RAB29: variants seen among roughly 807,000 people sequenced by gnomAD.
RAB29 encodes ras-related protein Rab-29.
Under a neutral mutation model 25.5 loss-of-function variants are expected in RAB29, and 13 were observed. The ratio of observed to expected loss-of-function variants is 0.51; its 90% confidence interval spans 0.33 to 0.81. The LOEUF (loss-of-function observed/expected upper bound fraction) is 0.81, where lower values mean the gene tolerates loss of function less well. RAB29 is among the 30% of genes least tolerant of loss of function. RAB29 has a pLI of 0.02. For synonymous variants in RAB29, 88 were observed against 95.0 expected (o/e 0.93, Z 0.43); for missense variants, 201 against 254.9 (o/e 0.79, Z 1.44).
In RAB29 at chr1:205,770,849, A is replaced by G. The variant is rs760986031; in HGVS notation, c.384T>C (p.Asp128=). The G allele has an allele frequency of 6.2e-7, 1 of 1,614,126 alleles. No homozygotes were observed. The highest frequency in any genetic ancestry group is 2.2e-5 in the East Asian group (1 of 44,882). The part of the protein sequence containing the change: ...VPCLLLANKC[D]LSPWAVSRDQ... ...CCCGGCTCACTGCCCAAGGGGACAG[A>G]TCACACTAGCAAAGAGAAAAAATAA... Residue 128 remains aspartate (D), a synonymous_variant, in exon 5 of 6, where the codon GAT becomes GAC. Transcript: ENST00000367139.
At position 205,775,388 on chromosome 1, in the gene RAB29, G is replaced by A. The variant is rs77138887; in HGVS notation, c.-246C>T. The A allele has an allele frequency of 2.1e-3, 326 of 155,906 alleles. 1 individual carries two copies. The highest frequency in any genetic ancestry group is 7.3e-3 in the African/African-American group (304 of 41,616). 9.7% of individuals were successfully genotyped at this position (155,906 alleles called of 1,614,324 possible). On this transcript the variant is annotated 5_prime_UTR_variant, in exon 1 of 6. Transcript: ENST00000367139. ...GCAGCACAAACCAAATTGTGAGGAA[G>A]GAGCAGCCGGCACCTCGATTCCCTA... is the stretch of plus-strand genomic sequence containing the variant.
At chr1:205,772,695 G>T in intron 2 of RAB29, 128 bp from the exon 3 acceptor site, 1 of 840,126 alleles carries the variant, frequency 1.2e-6, no homozygotes, top group Non-Finnish European at 2.0e-6. Context: ...TTAACTTTAA[G>T]CCCTCAATTC....
chr1:205,774,089 A>T (rs948705408), intron 2 of RAB29, among the ~76,000 whole-genome samples: 1 of 152,074 alleles, frequency 6.6e-6, no homozygotes, highest in African/African-American at 2.4e-5. Flanking sequence ...AAATGAATGA[A>T]CTCGGTGTCC....
chr1:205,770,660 TAAGAA>T (rs1241751949), intron 5 of RAB29, 68 bp downstream of exon 5: 1 of 1,602,104 alleles, frequency 6.2e-7, no homozygotes, highest in African/African-American at 1.3e-5. Flanking sequence ...GGCTCAGAAA[TAAGAA>T]AAGAGGGTCC....
At position 205,770,094 on chromosome 1, in the gene RAB29, T is replaced by C. The variant is rs2102469113; in HGVS notation, c.*248A>G. The C allele has an allele frequency of 1.9e-6, 1 of 533,428 alleles. No homozygotes were observed. The highest frequency in any genetic ancestry group is 3.4e-6 in the Non-Finnish European group (1 of 297,284). The allele number at this position is 533,428 out of a possible 1,614,324, so 33.0% of individuals were successfully genotyped here. A position where few individuals can be genotyped will look rare whatever the true frequency, so the allele number is the denominator to read the frequency against. On this transcript the variant is annotated 3_prime_UTR_variant, in exon 6 of 6. Coordinates refer to ENST00000367139, the MANE Select transcript of RAB29 (RefSeq NM_003929.3). ...TTCCGGATCACAAATTGAGGGCTGA[T>C]GAGAAGATCTTACACCGAAGGCACT...
At position 205,774,785 on chromosome 1, in the gene RAB29, C is replaced by G. The variant is rs1307059047; in HGVS notation, c.124+48G>C. ...TGGGTCCCCAGCTCGAGTCCGCGGTCGGGGCCTCCTCCTCCCCCTCCCCCT... is the reference window on the plus strand; with the variant it reads ...TGGGTCCCCAGCTCGAGTCCGCGGTGGGGGCCTCCTCCTCCCCCTCCCCCT... On this transcript the variant is annotated intron_variant, in intron 2 of 5. Coordinates refer to ENST00000367139, the MANE Select transcript of RAB29 (RefSeq NM_003929.3). The G allele has an allele frequency of 3.3e-6, 5 of 1,532,096 alleles. No individual in the cohort carries two copies. The South Asian group carries it at 6.0e-5, about 18-fold the overall frequency. 94.9% of individuals were successfully genotyped at this position (1,532,096 alleles called of 1,614,324 possible). A position where few individuals can be genotyped will look rare whatever the true frequency, so the allele number is the denominator to read the frequency against.
In RAB29 at chr1:205,775,086, G is replaced by C. The variant is rs1222440020; in HGVS notation, c.-130C>G. 8 of 1,272,532 alleles carry C rather than the reference G, an allele frequency of 6.3e-6. No individual in the cohort carries two copies. The highest frequency in any genetic ancestry group is 2.2e-5 in the Admixed American group (1 of 46,210). 78.8% of individuals were successfully genotyped at this position (1,272,532 alleles called of 1,614,324 possible). On this transcript the variant is annotated splice_region_variant and 5_prime_UTR_variant, in exon 2 of 6. Coordinates refer to ENST00000367139, the MANE Select transcript of RAB29 (RefSeq NM_003929.3). ...GCATTCCCACCCACCGCCTGTCTGG[G>C]CTGCTCTGACGAGAAAGCAAAAAAG...
intron 3 of RAB29, 30 bp from the exon 4 acceptor site, chr1:205,771,683 G>A (rs760595644): frequency 6.2e-7 from 1 of 1,600,610 alleles, no homozygotes; most frequent in Admixed American, 1.7e-5. Context: ...TTCTCAAGGT[G>A]ACCCAAGAGC....
Position 205,774,813 on chromosome 1 carries a change from C to T in RAB29, c.124+20G>A. The T allele has an allele frequency of 1.3e-6, 2 of 1,560,366 alleles. No individual in the cohort carries two copies. The highest frequency in any genetic ancestry group is 1.7e-6 in the Non-Finnish European group (2 of 1,148,176). ...GGCCTCCTCCTCCCCCTCCCCCTCC[C>T]CACCCCCGAGACGTCTCACCTCCCA... is the stretch of plus-strand genomic sequence containing the variant. On this transcript the variant is annotated intron_variant, in intron 2 of 5. Transcript: ENST00000367139.
At chr1:205,775,236 C>A (rs1017578852) in intron 1 of RAB29, 37 bp downstream of exon 1, 9 of 378,226 alleles carry the variant, frequency 2.4e-5, no homozygotes, top group African/African-American at 1.7e-4. Context: ...GCCTGACTGC[C>A]GAGAAACTGG....
intron 2 of RAB29, 35 bp downstream of exon 2, chr1:205,774,798 T>TACCCCC: frequency 3.2e-5 from 21 of 658,504 alleles, no homozygotes; most frequent in Non-Finnish European, 4.2e-5. Context: ...GGCCTCCTCC[T>TACCCCC]CCCCCTCCCC....
chr1:205,772,304 C>A (rs992597436), intron 3 of RAB29, among the ~76,000 whole-genome samples, 192 bp downstream of exon 3: 23 of 152,188 alleles, frequency 1.5e-4, no homozygotes, highest in African/African-American at 5.5e-4. Flanking sequence ...CACATAGAGA[C>A]TGCTCCAGAT....
In RAB29 at chr1:205,771,466, A is replaced by C. The variant is rs1419485755; in HGVS notation, c.378+6T>G. On this transcript the variant is annotated splice_donor_region_variant and intron_variant, in intron 4 of 5. Coordinates refer to ENST00000367139, the MANE Select transcript of RAB29 (RefSeq NM_003929.3). ...TAGGGACCATTTTCTGAGATTGGCCACATACCTTGTTGGCCAAGAGCAGGC... is the reference window on the plus strand; with the variant it reads ...TAGGGACCATTTTCTGAGATTGGCCCCATACCTTGTTGGCCAAGAGCAGGC... The C allele has an allele frequency of 1.9e-6, 3 of 1,613,698 alleles. No individual in the cohort carries two copies. The highest frequency in any genetic ancestry group is 1.7e-6 in the Non-Finnish European group (2 of 1,179,888).
intron 2 of RAB29, among the ~76,000 whole-genome samples, chr1:205,773,549 C>T (rs1655133381): frequency 6.6e-6 from 1 of 152,216 alleles, no homozygotes; most frequent in African/African-American, 2.4e-5. Flanking sequence ...CAGGGTCTCA[C>T]TCTGTTGCCC....
At chr1:205,770,916 G>C (rs2102471833) in intron 4 of RAB29, 62 bp from the exon 5 acceptor site, 1 of 1,578,270 alleles carries the variant, frequency 6.3e-7, no homozygotes, top group Non-Finnish European at 8.7e-7. Flanking sequence ...AAAGAATATG[G>C]CTCAGATACT....
intron 2 of RAB29, among the ~76,000 whole-genome samples, chr1:205,773,478 T>C (rs78044780): frequency 1.3e-5 from 2 of 152,186 alleles, no homozygotes; most frequent in Non-Finnish European, 2.9e-5. Flanking sequence ...GGATAGAGTG[T>C]CTGAAACTTT....
rs753028939 is a variant in RAB29 at position 205,774,939 on chromosome 1, G to A, written c.18C>T (p.His6=). Residue 6 remains histidine, a synonymous_variant, in exon 2 of 6, where the codon CAC becomes CAT. Transcript: ENST00000367139. MGSRD[H]LFKVLVVGDA... ...CCCCCACCACCAGCACTTTGAACAG[G>A]TGGTCGCGGCTGCCCATGGCTAGCG... The A allele has an allele frequency of 7.4e-6, 12 of 1,613,790 alleles. No individual in the cohort carries two copies. Among genetic ancestry groups the A allele is most frequent in the Non-Finnish European group, 1.0e-5 (12 of 1,180,022 alleles).
At chr1:205,774,499 T>G (rs1031879357) in intron 2 of RAB29, among the ~76,000 whole-genome samples, 5 of 152,212 alleles carry the variant, frequency 3.3e-5, no homozygotes, top group Non-Finnish European at 5.9e-5. Flanking sequence ...GCCGGACAGC[T>G]GAAAGGCTGG....
Position 205,774,977 on chromosome 1 carries a change from T to C in RAB29, c.-21A>G. On this transcript the variant is annotated 5_prime_UTR_variant, in exon 2 of 6. Transcript: ENST00000367139. ...CCCATGGCTAGCGGGGTGTGCGTTT[T>C]AGGGAGGCGGGAAGTGTGGTCGGGG... The C allele has an allele frequency of 6.2e-7, 1 of 1,612,932 alleles. No individual in the cohort carries two copies. Among genetic ancestry groups the C allele is most frequent in the African/African-American group, 1.3e-5 (1 of 75,050 alleles).
Sources: allele counts gnomAD v4.1 joint callset (sites outside exome capture counted in the v4.1 genomes callset), GRCh38; gene constraint gnomAD v4.1.1; transcripts MANE v1.5; gene names NCBI Gene and HGNC (gene_info 2026-07-23, HGNC 2026-07-21).